Variants in SH3KBP1 observed in about 807,000 individuals in gnomAD.
SH3KBP1 encodes SH3 domain-containing kinase-binding protein 1.
SH3KBP1 carries 8 observed loss-of-function variants against 50.1 expected under a neutral mutation model. That is an observed-to-expected ratio of 0.16 (90% CI 0.09 to 0.29). SH3KBP1 has a LOEUF of 0.29. Among genes scored for constraint, SH3KBP1 ranks in the 10% least tolerant of loss-of-function variants. The pLI is 1.00. For synonymous variants in SH3KBP1, 227 were observed against 218.6 expected (o/e 1.04, Z -0.34); for missense variants, 377 against 535.2 (o/e 0.70, Z 2.92).
intron 12 of SH3KBP1, among the ~76,000 whole-genome samples, chrX:19,578,033 C>T (rs2066256992): frequency 8.9e-6 from 1 of 112,146 alleles, no homozygotes; most frequent in Non-Finnish European, 1.9e-5. Flanking sequence ...CTGAGGCACA[C>T]ACCACACATC....
At chrX:19,667,809 G>A (rs957271686) in intron 6 of SH3KBP1, among the ~76,000 whole-genome samples, 4 of 90,414 alleles carry the variant, frequency 4.4e-5, no homozygotes, top group African/African-American at 1.9e-4. Flanking sequence ...TTGTTCTGTT[G>A]GGATTTTTTT....
intron 12 of SH3KBP1, among the ~76,000 whole-genome samples, chrX:19,587,313 T>C (rs1020184518): frequency 9.1e-6 from 1 of 109,762 alleles, no homozygotes; most frequent in Non-Finnish European, 1.9e-5. Context: ...GAAAGTAGAA[T>C]GGCGGCTGCC....
chrX:19,538,558 CTTTAT>C (rs1042430852), intron 16 of SH3KBP1, among the ~76,000 whole-genome samples: 12 of 97,620 alleles, frequency 1.2e-4, no homozygotes, highest in African/African-American at 4.6e-4. Flanking sequence ...TATATATTTC[CTTTAT>C]TTTATTTATT....
chrX:19,806,620 T>C (rs1051534279), intron 2 of SH3KBP1, among the ~76,000 whole-genome samples: 9 of 111,376 alleles, frequency 8.1e-5, no homozygotes, highest in Non-Finnish European at 1.7e-4. Flanking sequence ...CAGACAACAT[T>C]GCCCTCACGG....
chrX:19,742,790 A>G (rs2064809106), intron 3 of SH3KBP1, among the ~76,000 whole-genome samples: 1 of 112,316 alleles, frequency 8.9e-6, no homozygotes. Context: ...CTGGTTCATC[A>G]AGAGAATGAC....
At chrX:19,847,329 A>G (rs1379174521) in intron 1 of SH3KBP1, among the ~76,000 whole-genome samples, 2 of 111,433 alleles carry the variant, frequency 1.8e-5, no homozygotes, top group Admixed American at 1.9e-4. Context: ...CCTGAAAGAA[A>G]AGTCATATTG....
chrX:19,680,563 A>G (rs1316071127), intron 6 of SH3KBP1, among the ~76,000 whole-genome samples: 1 of 111,119 alleles, frequency 9.0e-6, no homozygotes, highest in Non-Finnish European at 1.9e-5. Context: ...GAATGCTATC[A>G]CGCAAGATCC....
intron 3 of SH3KBP1, among the ~76,000 whole-genome samples, chrX:19,744,522 C>T (rs1436468675): frequency 3.6e-5 from 4 of 111,660 alleles, no homozygotes; most frequent in African/African-American, 9.8e-5. Context: ...GGTGAAGCCT[C>T]GGACAGAATG....
chrX:19,857,982 C>T (rs1467141125), intron 1 of SH3KBP1, among the ~76,000 whole-genome samples: 1 of 110,494 alleles, frequency 9.1e-6, no homozygotes, highest in Non-Finnish European at 1.9e-5. Context: ...AGTTCGAGAC[C>T]AGCCTGGCCA....
At chrX:19,604,021 A>C (rs2067170029) in intron 9 of SH3KBP1, among the ~76,000 whole-genome samples, 2 of 111,192 alleles carry the variant, frequency 1.8e-5, no homozygotes, top group Admixed American at 9.6e-5. Context: ...CAAAATACCT[A>C]TTCTAATTTT....
rs760929541 is a variant in SH3KBP1, at chrX:19,537,615, T to G, written c.1956+102A>C. On this transcript the variant is annotated intron_variant, in intron 17 of 17. Coordinates refer to ENST00000397821, the MANE Select transcript of SH3KBP1 (RefSeq NM_031892.3). Reference sequence around the variant, plus strand: ...TGGTCACAGGAAATGTATCCAGATCTGCAGAGAGGTGACAATCATTTATTT... The same window carrying G: ...TGGTCACAGGAAATGTATCCAGATCGGCAGAGAGGTGACAATCATTTATTT... 5.6e-5 allele frequency: 37 copies of G among 663,780 alleles called. 1 individual carries two copies. The Admixed American group carries it at 8.7e-4, about 16-fold the overall frequency. 54.7% of individuals were successfully genotyped at this position (663,780 alleles called of 1,213,427 possible).
intron 6 of SH3KBP1, chrX:19,671,026 T>A: frequency 9.4e-7 from 1 of 1,059,702 alleles, no homozygotes; most frequent in Non-Finnish European, 1.2e-6. Context: ...AAAGCTCGCA[T>A]TTGTTTATGG....
intron 6 of SH3KBP1, among the ~76,000 whole-genome samples, chrX:19,646,959 AG>A (rs2062006197): frequency 8.9e-6 from 1 of 112,404 alleles, no homozygotes; most frequent in South Asian, 3.7e-4. Flanking sequence ...GGATGAAAAA[AG>A]CTTGATGTTA....
At chrX:19,751,259 C>A (rs1178809714) in intron 2 of SH3KBP1, among the ~76,000 whole-genome samples, 1 of 112,010 alleles carries the variant, frequency 8.9e-6, no homozygotes, top group Admixed American at 9.4e-5. Context: ...CAGCCAAGTA[C>A]CTGGAGCTCT....
Position 19,788,269 on chromosome X carries a change from C to CAA in SH3KBP1, c.163-41830_163-41829dup, listed in dbSNP as rs1227301099. ...GAGCAACAGAGCAAGATTCTATCTC[C>CAA]AAAAAAAAAAAAAAAACAAAAAAAA... On this transcript the variant is annotated intron_variant, in intron 2 of 17. Transcript: ENST00000397821. 2.4e-3 allele frequency among the ~76,000 whole-genome samples: 62 copies of CAA among 25,434 alleles called. 2 individuals are homozygous for CAA. Among genetic ancestry groups the CAA allele is most frequent in the South Asian group, 6.7e-3 (3 of 450 alleles). 22.1% of individuals were successfully genotyped at this position (25,434 alleles called of 115,157 possible).
chrX:19,594,770 T>C (rs2066847123), intron 10 of SH3KBP1, among the ~76,000 whole-genome samples, 179 bp downstream of exon 10: 1 of 111,961 alleles, frequency 8.9e-6, no homozygotes, highest in South Asian at 3.7e-4. Flanking sequence ...GGTATGTTTA[T>C]CTTTTAGGAA....
intron 1 of SH3KBP1, among the ~76,000 whole-genome samples, chrX:19,853,506 G>C (rs1049761042): frequency 3.6e-5 from 4 of 111,334 alleles, no homozygotes; most frequent in Non-Finnish European, 7.6e-5. Flanking sequence ...AGCACACCCT[G>C]CGAGGATATG....
chrX:19,699,057 C>T (rs1381562971), intron 4 of SH3KBP1, among the ~76,000 whole-genome samples: 2 of 111,908 alleles, frequency 1.8e-5, no homozygotes, highest in East Asian at 5.6e-4. Flanking sequence ...TAACTAGGTA[C>T]TGCCACACCC....
chrX:19,852,291 T>G (rs1384708914), intron 1 of SH3KBP1, among the ~76,000 whole-genome samples: 1 of 111,083 alleles, frequency 9.0e-6, no homozygotes, highest in Non-Finnish European at 1.9e-5. Context: ...ACCTCAGGCC[T>G]TTCCAGCCGA....
Sources: allele counts gnomAD v4.1 joint callset (sites outside exome capture counted in the v4.1 genomes callset), GRCh38; gene constraint gnomAD v4.1.1; transcripts MANE v1.5; gene names NCBI Gene and HGNC (gene_info 2026-07-23, HGNC 2026-07-21).